MROH1: variants seen among roughly 807,000 people sequenced by gnomAD.
MROH1 encodes the protein maestro heat like repeat family member 1, also known as maestro heat-like repeat-containing protein family member 1.
In MROH1, 117 loss-of-function variants were observed where a neutral mutation model predicts 116.5. The ratio of observed to expected loss-of-function variants is 1.00; its 90% CI spans 0.86 to 1.17. The LOEUF is 1.17. Ranked by LOEUF, MROH1 falls within the 50% of genes most tolerant of loss-of-function variation. The pLI is 0.00. For missense variants in MROH1, 1,873 were observed against 1,338.5 expected (o/e 1.40, Z -6.23); for synonymous variants, 921 against 583.9 (o/e 1.58, Z -8.32).
At chr8:144,221,345 G>A (rs1216944136) in intron 13 of MROH1, among the ~76,000 whole-genome samples, 1 of 152,142 alleles carries the variant, frequency 6.6e-6, no homozygotes, top group Non-Finnish European at 1.5e-5. Context: ...AGATGTTTGG[G>A]GCTTAGTGAT....
intron 4 of MROH1, among the ~76,000 whole-genome samples, chr8:144,170,701 T>C (rs911732398): frequency 2.0e-5 from 3 of 152,244 alleles, no homozygotes; most frequent in African/African-American, 7.2e-5. Context: ...TTTCAGCTCC[T>C]GTCTGGCGTC....
chr8:144,215,502 C>T (rs1010765131), intron 12 of MROH1, among the ~76,000 whole-genome samples: 1 of 152,222 alleles, frequency 6.6e-6, no homozygotes, highest in African/African-American at 2.4e-5. Context: ...TAAAAAGCAT[C>T]TGGCAGAATG....
Position 144,261,357 on chromosome 8 carries a change from C to A in MROH1, c.4840+8C>A, listed in dbSNP as rs1845017695. 1 of 703,820 alleles carries A rather than the reference C, an allele frequency of 1.4e-6. No homozygotes were observed. 43.6% of individuals were successfully genotyped at this position (703,820 alleles called of 1,614,324 possible). ...TGGACCAGCTCATTGCGGGTGAGCA[C>A]CCCTCCACGGGGCCCCTCCGCTGGG... On this transcript the variant is annotated splice_region_variant and intron_variant, in intron 43 of 43. Coordinates refer to ENST00000326134, the MANE Select transcript of MROH1 (RefSeq NM_032450.3).
chr8:144,256,386 T>G (rs4246833), intron 35 of MROH1, among the ~76,000 whole-genome samples: 77,202 of 141,374 alleles, frequency 0.55, 21,054 homozygotes, highest in East Asian at 0.74. Flanking sequence ...GGGGACAGCC[T>G]CACTTCAGCC....
chr8:144,216,372 G>A (rs1676827766), intron 12 of MROH1, among the ~76,000 whole-genome samples: 2 of 151,328 alleles, frequency 1.3e-5, no homozygotes, highest in South Asian at 4.2e-4. Flanking sequence ...TACTCAGGAG[G>A]CTGAGGCAGG....
At chr8:144,166,293 C>T (rs7840247) in intron 3 of MROH1, among the ~76,000 whole-genome samples, 2,749 of 152,246 alleles carry the variant, frequency 0.018, 96 homozygotes, top group African/African-American at 0.063. Context: ...TTTGGAGGGA[C>T]GTGGCGTGGA....
Position 144,258,878 on chromosome 8 carries a change from C to T in MROH1, c.3893C>T (p.Ser1298Leu), listed in dbSNP as rs1005336507. ...LEGGWELLRT[S>L]AGHEEGATRL... The stretch of plus-strand genomic sequence containing the variant: ...GGAGGCTGGGAACTGCTCAGGACCT[C>T]GGCGGGGCATGAGGAGGGGGCCACC... Residue 1298 changes from serine (S) to leucine (L), a missense_variant, in exon 36 of 44, where the codon TCG (serine) becomes TTG (leucine). Physicochemically the swap from Ser to Leu is moderately radical, Grantham distance 145. Coordinates refer to ENST00000326134, the MANE Select transcript of MROH1 (RefSeq NM_032450.3). 1,642 of 765,478 alleles carry T rather than the reference C, an allele frequency of 2.1e-3. 2 individuals carry two copies. Among genetic ancestry groups the T allele is most frequent in the Middle Eastern group, 5.7e-3 (16 of 2,804 alleles). 47.4% of individuals were successfully genotyped at this position (765,478 alleles called of 1,614,324 possible).
chr8:144,200,329 T>A (rs1830819097), intron 11 of MROH1, 99 bp from the exon 12 acceptor site: 1 of 957,788 alleles, frequency 1.0e-6, no homozygotes, highest in African/African-American at 1.6e-5. Context: ...ACACAGCAAC[T>A]CTCCTCTGGC....
At position 144,241,290 on chromosome 8, in the gene MROH1, G is replaced by C; in HGVS notation, c.2056-105G>C. The C allele has an allele frequency of 3.4e-5, 24 of 700,678 alleles. No individual in the cohort carries two copies. The South Asian group carries it at 3.7e-4, about 11-fold the overall frequency. 43.4% of individuals were successfully genotyped at this position (700,678 alleles called of 1,614,324 possible). ...TGTGTTGATGTGTGTGCAAGTGTGC[G>C]CATGTGTGTACATGTGGGTGTGCCC... On this transcript the variant is annotated intron_variant, in intron 21 of 43. Coordinates refer to ENST00000326134, the MANE Select transcript of MROH1 (RefSeq NM_032450.3).
intron 12 of MROH1, among the ~76,000 whole-genome samples, chr8:144,211,401 T>C (rs1287377696): frequency 6.6e-6 from 1 of 152,144 alleles, no homozygotes; most frequent in Admixed American, 6.6e-5. Context: ...CCAGGTACCA[T>C]TTGCTTACCC....
At position 144,168,283 on chromosome 8, in the gene MROH1, T is replaced by C; in HGVS notation, c.23-12T>C. 6.3e-7 allele frequency: 1 copy of C among 1,586,602 alleles called. No homozygotes were observed. The highest frequency in any genetic ancestry group is 8.5e-7 in the Non-Finnish European group (1 of 1,171,250). ...TGGGCCTGAGCATGCTAACCAGGCTTTGTCGCTGCAGAGCTGGCCTCCACC... is the reference window on the plus strand; with the variant it reads ...TGGGCCTGAGCATGCTAACCAGGCTCTGTCGCTGCAGAGCTGGCCTCCACC... On this transcript the variant is annotated splice_polypyrimidine_tract_variant and intron_variant, in intron 3 of 43. Transcript: ENST00000326134.
intron 12 of MROH1, among the ~76,000 whole-genome samples, chr8:144,217,485 A>G (rs556801551): frequency 2.0e-5 from 3 of 152,360 alleles, no homozygotes; most frequent in African/African-American, 7.2e-5. Flanking sequence ...ATCATTTCAG[A>G]TAAGGGAATG....
rs1308752374 is a variant in MROH1, at chr8:144,163,801, G to A, written c.-26G>A. On this transcript the variant is annotated 5_prime_UTR_variant, in exon 3 of 44. Transcript: ENST00000326134. The surrounding 1 kb of genome is among the most constrained non-coding windows in gnomAD (Gnocchi z 4.4). ...AGAAGAAGTTGTCCATGTTCACACTGGGTGAAGGAAGCTGAAACCACAGAC... is the reference window on the plus strand; with the variant it reads ...AGAAGAAGTTGTCCATGTTCACACTAGGTGAAGGAAGCTGAAACCACAGAC... The A allele has an allele frequency of 6.2e-7, 1 of 1,613,202 alleles. No homozygotes were observed. The highest frequency in any genetic ancestry group is 1.3e-5 in the African/African-American group (1 of 74,906).
intron 25 of MROH1, 41 bp from the exon 26 acceptor site, chr8:144,243,822 C>T (rs2132983411): frequency 9.2e-6 from 7 of 761,194 alleles, no homozygotes; most frequent in South Asian, 2.8e-5. Flanking sequence ...GGAGAGCTGG[C>T]GTTTCCTCCA....
intron 11 of MROH1, among the ~76,000 whole-genome samples, chr8:144,199,487 C>T (rs963529119): frequency 1.5e-4 from 23 of 152,160 alleles, no homozygotes; most frequent in African/African-American, 2.7e-4. Flanking sequence ...ACCTGCCCCC[C>T]GCCTACCTGT....
In MROH1 at chr8:144,247,549, A is replaced by G; in HGVS notation, c.3008-18A>G. 1.3e-6 allele frequency: 1 copy of G among 769,452 alleles called. No individual in the cohort carries two copies. Among genetic ancestry groups the G allele is most frequent in the Non-Finnish European group, 2.4e-6 (1 of 414,568 alleles). The allele number at this position is 769,452 out of a possible 1,614,324, so 47.7% of individuals were successfully genotyped here. ...AGGGAGGGCCTGGGCCCGACTGCTCATTCCTGCCGCCTCTCAGGCTTCTCC... is the reference window on the plus strand; with the variant it reads ...AGGGAGGGCCTGGGCCCGACTGCTCGTTCCTGCCGCCTCTCAGGCTTCTCC... On this transcript the variant is annotated intron_variant, in intron 30 of 43. Coordinates refer to ENST00000326134, the MANE Select transcript of MROH1 (RefSeq NM_032450.3).
At chr8:144,224,272 A>T (rs2132460936) in intron 14 of MROH1, among the ~76,000 whole-genome samples, 1 of 152,088 alleles carries the variant, frequency 6.6e-6, no homozygotes, top group South Asian at 2.1e-4. Context: ...ATGTAATAAT[A>T]ATTATTATTA....
At chr8:144,171,236 T>C (rs1250874532) in intron 4 of MROH1, among the ~76,000 whole-genome samples, 1 of 152,166 alleles carries the variant, frequency 6.6e-6, no homozygotes, top group African/African-American at 2.4e-5. Context: ...GAATCAGGGT[T>C]TTCACGACCC....
At chr8:144,260,472 A>T (rs1844823514) in intron 39 of MROH1, 98 bp downstream of exon 39, 2 of 696,480 alleles carry the variant, frequency 2.9e-6, no homozygotes, top group East Asian at 5.4e-5. Context: ...CCTGTCTCCC[A>T]CCTCGGCTAG....
Sources: gnomAD v4.1 joint callset for allele counts (sites outside exome capture counted in the v4.1 genomes callset) on GRCh38, gnomAD v4.1.1 for gene constraint, Gnocchi (gnomAD v3.1) non-coding constraint, MANE v1.5 for transcripts, NCBI Gene and HGNC (gene_info 2026-07-23, HGNC 2026-07-21) for gene names.